Variants in TBC1D31 observed in about 807,000 individuals in gnomAD.
TBC1D31 encodes the protein TBC1 domain family member 31.
A neutral mutation model predicts 132.9 loss-of-function variants in TBC1D31; 99 were observed. The observed-to-expected ratio is 0.74, with a 90% CI of 0.63 to 0.88. TBC1D31 has a LOEUF of 0.88. Ranked by LOEUF, TBC1D31 falls within the 40% of genes least tolerant of loss-of-function variation. The probability of loss-of-function intolerance (pLI) is 0.00; values close to 1 mark genes in which losing one functional copy is unlikely to be tolerated. For missense variants in TBC1D31, 1,134 were observed against 1,256.6 expected, an observed-to-expected ratio of 0.90 and a Z score of 1.48; for synonymous variants, 385 against 419.4, an observed-to-expected ratio of 0.92 and a Z score of 1.00.
chr8:123,151,381 T>C (rs62521807), intron 21 of TBC1D31, among the ~76,000 whole-genome samples: 11,081 of 152,252 alleles, frequency 0.073, 465 homozygotes, highest in Non-Finnish European at 0.095. Context: ...TATTAGCCAA[T>C]ATTAAAAAGC....
At chr8:123,108,549 G>A (rs1200359988) in intron 8 of TBC1D31, among the ~76,000 whole-genome samples, 1 of 152,110 alleles carries the variant, frequency 6.6e-6, no homozygotes, top group Non-Finnish European at 1.5e-5. Flanking sequence ...CTTGATGCAG[G>A]AGTCCCAGAT....
the TBC1D31 span, among the ~76,000 whole-genome samples, chr8:123,162,734 G>A: frequency 2.9e-3 from 436 of 152,236 alleles, 10 homozygotes; most frequent in Admixed American, 0.025. Flanking sequence ...TAAAATATAC[G>A]CATACAGCCA....
intron 8 of TBC1D31, 129 bp downstream of exon 8, chr8:123,105,593 G>C (rs760878304): frequency 1.3e-5 from 11 of 865,910 alleles, no homozygotes; most frequent in Non-Finnish European, 1.8e-5. Context: ...GAATAAAGTT[G>C]TAACCTAAAT....
intron 6 of TBC1D31, 58 bp downstream of exon 6, chr8:123,097,499 AAC>A: frequency 6.5e-7 from 1 of 1,546,420 alleles, no homozygotes; most frequent in Non-Finnish European, 8.9e-7. Flanking sequence ...TCCGTCTCTG[AAC>A]TATATTAGCT....
At chr8:123,078,428 T>C (rs1040007551) in intron 2 of TBC1D31, among the ~76,000 whole-genome samples, 2 of 152,194 alleles carry the variant, frequency 1.3e-5, no homozygotes, top group African/African-American at 4.8e-5. Context: ...GAGATAGATA[T>C]AGCACTAAAT....
chr8:123,078,993 A>G (rs1814842654), intron 2 of TBC1D31, among the ~76,000 whole-genome samples: 1 of 152,246 alleles, frequency 6.6e-6, no homozygotes, highest in Non-Finnish European at 1.5e-5. Context: ...GGATGCAGTG[A>G]AAAGAACACG....
At chr8:123,113,239 C>G (rs6990719) in intron 10 of TBC1D31, among the ~76,000 whole-genome samples, 93,122 of 151,950 alleles carry the variant, frequency 0.61, 29,303 homozygotes, top group African/African-American at 0.74. Flanking sequence ...TATAATTTTT[C>G]CGTATCCTAG....
At chr8:123,145,380 A>G (rs1299647969) in intron 20 of TBC1D31, among the ~76,000 whole-genome samples, 1 of 152,166 alleles carries the variant, frequency 6.6e-6, no homozygotes, top group African/African-American at 2.4e-5. Context: ...GTTTGTGCAG[A>G]CTGTCCTGTG....
intron 10 of TBC1D31, among the ~76,000 whole-genome samples, chr8:123,111,865 G>A (rs1230735977): frequency 2.0e-5 from 3 of 151,776 alleles, no homozygotes; most frequent in African/African-American, 7.3e-5. Flanking sequence ...TTTTGTTTTT[G>A]TTTTTTGAGA....
At chr8:123,113,240 C>T (rs1338585569) in intron 10 of TBC1D31, among the ~76,000 whole-genome samples, 2 of 152,116 alleles carry the variant, frequency 1.3e-5, no homozygotes, top group Non-Finnish European at 2.9e-5. Flanking sequence ...ATAATTTTTC[C>T]GTATCCTAGG....
Position 123,150,084 on chromosome 8 carries a change from C to T in TBC1D31, c.3023C>T (p.Thr1008Ile). 1 of 1,614,058 alleles carries T rather than the reference C, an allele frequency of 6.2e-7. No homozygotes were observed. Among genetic ancestry groups the T allele is most frequent in the Non-Finnish European group, 8.5e-7 (1 of 1,179,972 alleles). Residue 1008 changes from threonine to isoleucine, a missense_variant, in exon 21 of 22, where the codon ACC becomes ATC. Thr to Ile is a moderately conservative substitution (Grantham distance 89). Coordinates refer to ENST00000287380, the MANE Select transcript of TBC1D31 (RefSeq NM_145647.4). ...NEQDSSCLPR[T>I]SQLNDSSEMD... The stretch of plus-strand genomic sequence containing the variant: ...CAGGACTCAAGCTGTTTGCCTAGAA[C>T]CTCACAATTAAATGACTCTTCTGAA...
intron 1 of TBC1D31, among the ~76,000 whole-genome samples, chr8:123,075,823 A>G (rs1055729989): frequency 9.2e-5 from 14 of 152,230 alleles, no homozygotes; most frequent in African/African-American, 3.1e-4. Flanking sequence ...TGACGAGAAT[A>G]TACGCACATA....
At chr8:123,083,250 T>A (rs1815362039) in intron 3 of TBC1D31, 1 of 154,596 alleles carries the variant, frequency 6.5e-6, no homozygotes, top group East Asian at 1.9e-4. Context: ...CCAAGCACTG[T>A]TGACGCAGGG....
At chr8:123,160,391 C>A in the TBC1D31 span, among the ~76,000 whole-genome samples, 1 of 147,776 alleles carries the variant, frequency 6.8e-6, no homozygotes, top group African/African-American at 2.5e-5. Context: ...AAAAGGCGAA[C>A]TGTAGGAATT....
At chr8:123,126,319 C>A in intron 12 of TBC1D31, 130 bp downstream of exon 12, 1 of 1,284,144 alleles carries the variant, frequency 7.8e-7, no homozygotes, top group Non-Finnish European at 1.1e-6. Context: ...AACAGTATTC[C>A]ATTCTTTTTC....
At chr8:123,127,261 A>ATTTTTTTTTTTTTTTTTTTTTT (rs35198781) in intron 13 of TBC1D31, among the ~76,000 whole-genome samples, 4 of 69,916 alleles carry the variant, frequency 5.7e-5, no homozygotes, top group African/African-American at 2.4e-4. Context: ...TGCTTTTTGC[A>ATTTTTTTTTTTTTTTTTTTTTT]TTTTTTTTTT....
chr8:123,139,522 G>A (rs1821425414), intron 17 of TBC1D31, among the ~76,000 whole-genome samples: 1 of 152,168 alleles, frequency 6.6e-6, no homozygotes. Flanking sequence ...GCTTCTAGTA[G>A]TTGTTGAGGG....
intron 2 of TBC1D31, among the ~76,000 whole-genome samples, chr8:123,080,114 A>T (rs974681445): frequency 6.6e-6 from 1 of 152,246 alleles, no homozygotes; most frequent in African/African-American, 2.4e-5. Flanking sequence ...CGTGTAACAC[A>T]TTAGAATACC....
rs773189405 is a variant in TBC1D31 at position 123,109,369 on chromosome 8, G to C, written c.1262G>C (p.Gly421Ala). Residue 421 changes from glycine (G) to alanine (A), a missense_variant, in exon 9 of 22, where the codon GGC (glycine) becomes GCC (alanine). Transcript: ENST00000287380. Reference protein sequence around the residue: ...NKKRLQILLKGYGEYPTKYRM... With the variant: ...NKKRLQILLKAYGEYPTKYRM... Reference sequence around the variant, plus strand: ...AAGCGTTTACAAATCTTATTAAAAGGCTATGGTGAATATCCAACAAAATAC... The same window carrying C: ...AAGCGTTTACAAATCTTATTAAAAGCCTATGGTGAATATCCAACAAAATAC... 1.2e-6 allele frequency: 2 copies of C among 1,609,502 alleles called. No individual in the cohort carries two copies. Among genetic ancestry groups the C allele is most frequent in the Non-Finnish European group, 1.7e-6 (2 of 1,176,834 alleles).
Sources: gnomAD v4.1 joint callset for allele counts (sites outside exome capture counted in the v4.1 genomes callset) on GRCh38, gnomAD v4.1.1 for gene constraint, MANE v1.5 for transcripts, NCBI Gene and HGNC (gene_info 2026-07-23, HGNC 2026-07-21) for gene names.